CASKIN2: variants seen among roughly 807,000 people sequenced by gnomAD.
The protein encoded by CASKIN2 is caskin-2.
In CASKIN2, 41 loss-of-function variants were observed where a neutral mutation model predicts 107.1. That is an observed-to-expected ratio of 0.38 (90% CI 0.30 to 0.50). The LOEUF is 0.50. Among genes scored for constraint, CASKIN2 ranks in the 20% least tolerant of loss-of-function variants. The pLI is 0.92. For synonymous variants in CASKIN2, 724 were observed against 705.6 expected, an observed-to-expected ratio of 1.03 and a Z score of -0.41; for missense variants, 1,546 against 1,657.4, an observed-to-expected ratio of 0.93 and a Z score of 1.17.
In CASKIN2 at chr17:75,505,857, A is replaced by AG. The variant is rs1465094908; in HGVS notation, c.798dup (p.Ser267LeufsTer134). 6.2e-7 allele frequency: 1 copy of AG among 1,613,178 alleles called. No individual in the cohort carries two copies. The highest frequency in any genetic ancestry group is 8.5e-7 in the Non-Finnish European group (1 of 1,179,962). ...TGCTTGATTTCCCGGCTGGCCTGGG[A>AG]GGTGGTGAACTGATTCACTATGTCC... On this transcript the variant is annotated frameshift_variant, in exon 9 of 20. Coordinates refer to ENST00000321617, the MANE Select transcript of CASKIN2 (RefSeq NM_020753.5). LOFTEE classifies it high-confidence loss of function. The surrounding 1 kb of genome is among the most constrained non-coding windows in gnomAD (Gnocchi z 5.1).
chr17:75,503,543 C>T lies in CASKIN2; in HGVS notation c.1681-16G>A, dbSNP rs1377500720. On this transcript the variant is annotated splice_polypyrimidine_tract_variant and intron_variant, in intron 16 of 19. Transcript: ENST00000321617. Reference sequence around the variant, plus strand: ...GCAGGTCCGTCTGGAAGAGCACCGTCCTCAGAACAACTCCCAGCCAGCCTC... The same window carrying T: ...GCAGGTCCGTCTGGAAGAGCACCGTTCTCAGAACAACTCCCAGCCAGCCTC... The T allele has an allele frequency of 6.2e-7, 1 of 1,605,760 alleles. No individual in the cohort carries two copies. Among genetic ancestry groups the T allele is most frequent in the Non-Finnish European group, 8.5e-7 (1 of 1,177,852 alleles).
chr17:75,507,262 G>A, intron 4 of CASKIN2, 133 bp from the exon 5 acceptor site: 1 of 1,064,658 alleles, frequency 9.4e-7, no homozygotes, highest in Non-Finnish European at 1.3e-6. Context: ...GCTCTATCCA[G>A]GTGTGCTTAG....
intron 14 of CASKIN2, 78 bp downstream of exon 14, chr17:75,504,137 C>T (rs1320213503): frequency 7.0e-7 from 1 of 1,429,044 alleles, no homozygotes; most frequent in Non-Finnish European, 9.5e-7. Context: ...ACACCTTCCC[C>T]CCCGAGGCCC....
At chr17:75,509,514 C>T (rs895520819) in intron 2 of CASKIN2, 1 of 949,574 alleles carries the variant, frequency 1.1e-6, no homozygotes, top group Non-Finnish European at 1.3e-6. Context: ...CACTGTGCCA[C>T]AAAGGTAAAG....
chr17:75,510,464 G>C (rs1223226189), intron 2 of CASKIN2, among the ~76,000 whole-genome samples: 1 of 152,172 alleles, frequency 6.6e-6, no homozygotes, highest in East Asian at 1.9e-4. Flanking sequence ...TGGAGCAAGA[G>C]TCCCCAGCCT....
chr17:75,504,317 A>G lies in CASKIN2; in HGVS notation c.1376-11T>C, dbSNP rs770865565. 1.9e-6 allele frequency: 3 copies of G among 1,604,732 alleles called. No individual in the cohort carries two copies. Among genetic ancestry groups the G allele is most frequent in the Non-Finnish European group, 1.7e-6 (2 of 1,175,730 alleles). ...GGTGGCTCAGGTTGTCTTCAAGGAG[A>G]GAGAAAAATGGAATGGAAAGGTGGC... is the stretch of plus-strand genomic sequence containing the variant. On this transcript the variant is annotated splice_polypyrimidine_tract_variant and intron_variant, in intron 13 of 19. Transcript: ENST00000321617.
rs758009512 is a variant in CASKIN2 at position 75,506,894 on chromosome 17, A to T, written c.391T>A (p.Ser131Thr). The stretch of plus-strand genomic sequence containing the variant: ...GACTGATGCTGGAGGAGCATTTCTG[A>T]CTGGGGTTGGGGGAGCCGAGTGAGG... ...LAAQYGHYEV[S>T]EMLLQHQSNP... is the part of the protein sequence containing the mutation. The change falls in exon 6 of 20, where the codon TCA becomes ACA. Residue 131 changes from serine (S) to threonine (T), a missense_variant and splice_region_variant. This residue lies in a region of CASKIN2 where 136 missense variants were observed against 198.6 expected (regional missense o/e 0.68). Coordinates refer to ENST00000321617, the MANE Select transcript of CASKIN2 (RefSeq NM_020753.5). The surrounding 1 kb of genome is among the most constrained non-coding windows in gnomAD (Gnocchi z 4.8). The T allele has an allele frequency of 1.2e-6, 2 of 1,611,414 alleles. No homozygotes were observed. The highest frequency in any genetic ancestry group is 1.7e-6 in the Non-Finnish European group (2 of 1,178,900).
intron 14 of CASKIN2, 96 bp from the exon 15 acceptor site, chr17:75,504,058 C>T (rs1325952296): frequency 2.8e-5 from 35 of 1,255,252 alleles, no homozygotes; most frequent in Non-Finnish European, 3.7e-5. Context: ...GGGCTTCAGT[C>T]CATACAGAGG....
At chr17:75,514,894 GC>G (rs1220659426) in intron 1 of CASKIN2, among the ~76,000 whole-genome samples, 1 of 151,966 alleles carries the variant, frequency 6.6e-6, no homozygotes, top group East Asian at 1.9e-4. Flanking sequence ...GGGCTCCCAA[GC>G]CCCCCAAGCC....
rs779693222 is a variant in CASKIN2 at position 75,505,840 on chromosome 17, T to C, written c.816A>G (p.Glu272=). ...NQFTTSQASR[E]IKQLLREASG... ...ACTCACCCCGCAGTAGCTGCTTGAT[T>C]TCCCGGCTGGCCTGGGAGGTGGTGA... The change falls in exon 9 of 20, where the codon GAA becomes GAG. Residue 272 remains glutamate (E), a synonymous_variant. Coordinates refer to ENST00000321617, the MANE Select transcript of CASKIN2 (RefSeq NM_020753.5). The surrounding 1 kb of genome is among the most constrained non-coding windows in gnomAD (Gnocchi z 5.1). 6.2e-7 allele frequency: 1 copy of C among 1,613,336 alleles called. No individual in the cohort carries two copies. Among genetic ancestry groups the C allele is most frequent in the Admixed American group, 1.7e-5 (1 of 60,002 alleles).
At chr17:75,508,046 C>T (rs1249755614) in intron 3 of CASKIN2, among the ~76,000 whole-genome samples, 188 bp downstream of exon 3, 2 of 152,134 alleles carry the variant, frequency 1.3e-5, no homozygotes, top group African/African-American at 2.4e-5. Context: ...GCTAACTCCA[C>T]GGGCGGGCGG....
Position 75,502,186 on chromosome 17 carries a change from C to T in CASKIN2, c.2888G>A (p.Arg963His), listed in dbSNP as rs1267795600. ...GGGCGGGGGGCCAGCGGGCTTCGGGCGCTGTTTGATGGTCAGGTTCCCTTC... is the reference window on the plus strand; with the variant it reads ...GGGCGGGGGGCCAGCGGGCTTCGGGTGCTGTTTGATGGTCAGGTTCCCTTC... ...AEEGNLTIKQ[R>H]PKPAGPPPRE... The change falls in exon 18 of 20, where the codon CGC becomes CAC. Residue 963 changes from arginine (R) to histidine (H), a missense_variant. Physicochemically the swap from Arg to His is conservative, Grantham distance 29. Coordinates refer to ENST00000321617, the MANE Select transcript of CASKIN2 (RefSeq NM_020753.5). The surrounding 1 kb of genome is among the most constrained non-coding windows in gnomAD (Gnocchi z 4.3). 2 of 1,599,976 alleles carry T rather than the reference C, an allele frequency of 1.3e-6. No individual in the cohort carries two copies. Among genetic ancestry groups the T allele is most frequent in the Non-Finnish European group, 1.7e-6 (2 of 1,179,198 alleles).
chr17:75,513,820 G>A lies in CASKIN2; in HGVS notation c.-16C>T. 1 of 1,610,512 alleles carries A rather than the reference G, an allele frequency of 6.2e-7. No individual in the cohort carries two copies. Among genetic ancestry groups the A allele is most frequent in the East Asian group, 2.2e-5 (1 of 44,860 alleles). The stretch of plus-strand genomic sequence containing the variant: ...CACGACCCATACTGGCTCCTGGGCT[G>A]AGCTCTACACTCAGGAGTCCAGGGC... On this transcript the variant is annotated 5_prime_UTR_variant, in exon 2 of 20. Transcript: ENST00000321617.
rs1466424281 is a variant in CASKIN2 at position 75,504,245 on chromosome 17, G to A, written c.1437C>T (p.Asp479=). The A allele has an allele frequency of 2.5e-6, 4 of 1,596,658 alleles. No individual in the cohort carries two copies. The highest frequency in any genetic ancestry group is 2.3e-5 in the East Asian group (1 of 43,978). The change falls in exon 14 of 20, where the codon GAC becomes GAT. Residue 479 remains aspartate, a synonymous_variant. Transcript: ENST00000321617. The stretch of plus-strand genomic sequence containing the variant: ...CCTCCAGCAGCTGTTCTGGCCGCAC[G>A]TCCTGGGTGAAGATCTGCTCCCCAG... ...CRSGEQIFTQ[D]VRPEQLLEGK...
At chr17:75,511,343 A>T (rs2053314340) in intron 2 of CASKIN2, among the ~76,000 whole-genome samples, 1 of 152,010 alleles carries the variant, frequency 6.6e-6, no homozygotes, top group African/African-American at 2.4e-5. Context: ...TATCTCTTTA[A>T]AAAGAAAAGA....
intron 16 of CASKIN2, 42 bp downstream of exon 16, chr17:75,503,617 G>A (rs1339131485): frequency 6.8e-6 from 11 of 1,607,142 alleles, no homozygotes; most frequent in East Asian, 4.5e-5. Flanking sequence ...AGCTGAGGGT[G>A]ACAGCACGTG....
Position 75,502,432 on chromosome 17 carries a change from C to T in CASKIN2, c.2642G>A (p.Gly881Asp). ...PPPKRLSSVS[G>D]PSPEPPPLDE... ...TAGTGGAGGTGGCTCCGGGCTGGGG[C>T]CAGAGACGGAGCTGAGGCGCTTGGG... is the stretch of plus-strand genomic sequence containing the variant. The change falls in exon 18 of 20, where the codon GGC becomes GAC. Residue 881 changes from glycine (G) to aspartate (D), a missense_variant. Physicochemically the swap from Gly to Asp is moderately conservative, Grantham distance 94. Transcript: ENST00000321617. The surrounding 1 kb of genome is among the most constrained non-coding windows in gnomAD (Gnocchi z 4.3). 1 of 1,444,706 alleles carries T rather than the reference C, an allele frequency of 6.9e-7. No individual in the cohort carries two copies. Among genetic ancestry groups the T allele is most frequent in the Non-Finnish European group, 9.1e-7 (1 of 1,097,036 alleles). The allele number at this position is 1,444,706 out of a possible 1,614,324, so 89.5% of individuals were successfully genotyped here. A position where few individuals can be genotyped will look rare whatever the true frequency, so the allele number is the denominator to read the frequency against.
intron 4 of CASKIN2, 134 bp from the exon 5 acceptor site, chr17:75,507,263 G>T: frequency 9.4e-7 from 1 of 1,063,900 alleles, no homozygotes; most frequent in Non-Finnish European, 1.3e-6. Context: ...CTCTATCCAG[G>T]TGTGCTTAGG....
intron 2 of CASKIN2, among the ~76,000 whole-genome samples, chr17:75,511,364 C>T (rs755106143): frequency 5.3e-5 from 8 of 152,098 alleles, no homozygotes; most frequent in Non-Finnish European, 8.8e-5. Context: ...ACAGAACAAT[C>T]CCTAGGTAAT....
Sources: allele counts gnomAD v4.1 joint callset (sites outside exome capture counted in the v4.1 genomes callset), GRCh38; gene constraint gnomAD v4.1.1; regional missense constraint gnomAD v4.1.1; non-coding constraint Gnocchi (gnomAD v3.1); transcripts MANE v1.5; gene names NCBI Gene and HGNC (gene_info 2026-07-23, HGNC 2026-07-21).